Variants in MAP2K1 observed in about 807,000 individuals in gnomAD.
MAP2K1 encodes dual specificity mitogen-activated protein kinase kinase 1.
A neutral mutation model predicts 46.3 loss-of-function variants in MAP2K1; 16 were observed. The observed-to-expected ratio is 0.35, with a 90% CI of 0.23 to 0.52. MAP2K1 has a LOEUF of 0.52. Among genes scored for constraint, MAP2K1 ranks in the 20% least tolerant of loss-of-function variants. MAP2K1 has a pLI of 0.94. For missense variants in MAP2K1, 263 were observed against 497.1 expected, an observed-to-expected ratio of 0.53 and a Z score of 4.48; for synonymous variants, 183 against 185.6, an observed-to-expected ratio of 0.99 and a Z score of 0.11.
intron 6 of MAP2K1, among the ~76,000 whole-genome samples, chr15:66,483,194 C>G (rs768254292): frequency 2.0e-5 from 3 of 152,170 alleles, no homozygotes; most frequent in Non-Finnish European, 4.4e-5. Context: ...GCACCTGTGC[C>G]CAGATCCCAG....
chr15:66,403,605 G>A (rs1470188058), intron 1 of MAP2K1, among the ~76,000 whole-genome samples: 1 of 152,134 alleles, frequency 6.6e-6, no homozygotes, highest in Non-Finnish European at 1.5e-5. Flanking sequence ...TTACTTTTCA[G>A]ACAAAGTGGA....
chr15:66,399,445 C>T (rs528891125), intron 1 of MAP2K1, among the ~76,000 whole-genome samples: 22 of 149,942 alleles, frequency 1.5e-4, no homozygotes, highest in Non-Finnish European at 6.0e-5. Context: ...TCTCTCCCCT[C>T]CCACCCCCTC....
rs142312326 is a variant in MAP2K1, at chr15:66,456,568, C to T, written c.568+11861C>T. Among the ~76,000 whole-genome samples the T allele has an allele frequency of 1.9e-4, 29 of 152,300 alleles. No homozygotes were observed. In the East Asian group the frequency reaches 5.6e-3, roughly 29 times the overall value. ...CTGGAGGCAGGATGGACCTCACTAGCCCCAGACACATCTAGTCCTTAGTGC... is the reference window on the plus strand; with the variant it reads ...CTGGAGGCAGGATGGACCTCACTAGTCCCAGACACATCTAGTCCTTAGTGC... On this transcript the variant is annotated intron_variant, in intron 5 of 10. Coordinates refer to ENST00000307102, the MANE Select transcript of MAP2K1 (RefSeq NM_002755.4).
At chr15:66,409,269 G>A (rs1030691812) in intron 1 of MAP2K1, among the ~76,000 whole-genome samples, 1 of 152,068 alleles carries the variant, frequency 6.6e-6, no homozygotes, top group Non-Finnish European at 1.5e-5. Flanking sequence ...TGCCTTTTCA[G>A]CCAACAGTCC....
At position 66,387,440 on chromosome 15, in the gene MAP2K1, CGGGCGG is replaced by C; in HGVS notation, c.80+14_80+19del. The C allele has an allele frequency of 6.4e-7, 1 of 1,552,860 alleles. No homozygotes were observed. Among genetic ancestry groups the C allele is most frequent in the East Asian group, 2.4e-5 (1 of 41,208 alleles). Reference sequence around the variant, plus strand: ...CCAGCTCTGCGGAGTAAGTATGGGGCGGGCGGTGAACCTCGGGGCCCGGCTGGGGAG... The same window carrying C: ...CCAGCTCTGCGGAGTAAGTATGGGGCTGAACCTCGGGGCCCGGCTGGGGAG... On this transcript the variant is annotated intron_variant, in intron 1 of 10. Transcript: ENST00000307102.
At chr15:66,480,445 A>C (rs534649038) in intron 5 of MAP2K1, among the ~76,000 whole-genome samples, 1 of 152,266 alleles carries the variant, frequency 6.6e-6, no homozygotes, top group African/African-American at 2.4e-5. Context: ...GAATCTGTTT[A>C]AGAATAAATA....
chr15:66,416,349 A>G (rs564683990), intron 1 of MAP2K1, among the ~76,000 whole-genome samples: 1 of 146,126 alleles, frequency 6.8e-6, no homozygotes, highest in African/African-American at 2.5e-5. Flanking sequence ...CCCCCCTACA[A>G]TCCCCCCCAA....
At chr15:66,471,156 T>C (rs1892624052) in intron 5 of MAP2K1, among the ~76,000 whole-genome samples, 1 of 152,210 alleles carries the variant, frequency 6.6e-6, no homozygotes, top group South Asian at 2.1e-4. Context: ...CTTTTCCCTT[T>C]AGCTTAGTGA....
intron 1 of MAP2K1, among the ~76,000 whole-genome samples, chr15:66,425,182 G>A (rs2093454612): frequency 6.6e-6 from 1 of 152,188 alleles, no homozygotes; most frequent in African/African-American, 2.4e-5. Flanking sequence ...GTGTATGGCA[G>A]CCAGACTTTG....
chr15:66,390,442 G>A (rs913465674), intron 1 of MAP2K1, among the ~76,000 whole-genome samples: 2 of 152,146 alleles, frequency 1.3e-5, no homozygotes, highest in African/African-American at 4.8e-5. Context: ...CATTTTGACA[G>A]TAAAGAACTC....
At chr15:66,409,032 A>C (rs1176918484) in intron 1 of MAP2K1, among the ~76,000 whole-genome samples, 1 of 152,160 alleles carries the variant, frequency 6.6e-6, no homozygotes, top group African/African-American at 2.4e-5. Context: ...TTTTCAGTTT[A>C]TAATTTCTTG....
intron 1 of MAP2K1, among the ~76,000 whole-genome samples, chr15:66,433,377 G>A (rs1044246014): frequency 2.6e-5 from 4 of 152,220 alleles, no homozygotes; most frequent in African/African-American, 9.6e-5. Context: ...AAGTCTAAGA[G>A]CAGGGTGCCA....
At chr15:66,417,149 C>G (rs1319413518) in intron 1 of MAP2K1, among the ~76,000 whole-genome samples, 2 of 152,162 alleles carry the variant, frequency 1.3e-5, no homozygotes, top group Admixed American at 1.3e-4. Flanking sequence ...GAAGCAAGCA[C>G]TATCAGTTTT....
chr15:66,405,964 C>CT (rs1373545323), intron 1 of MAP2K1, among the ~76,000 whole-genome samples: 1 of 152,190 alleles, frequency 6.6e-6, no homozygotes, highest in Non-Finnish European at 1.5e-5. Context: ...GGGATGTATA[C>CT]TTTGAATGCA....
At chr15:66,471,658 A>T (rs1182514230) in intron 5 of MAP2K1, among the ~76,000 whole-genome samples, 2 of 151,426 alleles carry the variant, frequency 1.3e-5, no homozygotes, top group Non-Finnish European at 2.9e-5. Flanking sequence ...AATAAAGATG[A>T]TTTTTTTTTT....
intron 5 of MAP2K1, among the ~76,000 whole-genome samples, chr15:66,448,301 G>A (rs1039264682): frequency 6.6e-6 from 1 of 152,138 alleles, no homozygotes; most frequent in Non-Finnish European, 1.5e-5. Context: ...GGACTGGCTT[G>A]TTTTAGTTAG....
At chr15:66,427,732 C>G (rs2093462771) in intron 1 of MAP2K1, among the ~76,000 whole-genome samples, 1 of 151,826 alleles carries the variant, frequency 6.6e-6, no homozygotes, top group Non-Finnish European at 1.5e-5. Context: ...AGAAACCTCT[C>G]TGGCCAGGCA....
At chr15:66,427,809 T>A (rs2140566236) in intron 1 of MAP2K1, among the ~76,000 whole-genome samples, 1 of 151,008 alleles carries the variant, frequency 6.6e-6, no homozygotes, top group South Asian at 2.1e-4. Context: ...AAGTCAGGAG[T>A]TAGAGACCAG....
rs768080091 is a variant in MAP2K1 at position 66,443,366 on chromosome 15, GT to G, written c.516+11del. ...GAAAAGTTAGCATTGCTGTGAGTAT[GT>G]TATGAAGTTTTTCTTCTAAGTTCCT... is the stretch of plus-strand genomic sequence containing the variant. On this transcript the variant is annotated intron_variant, in intron 4 of 10. Coordinates refer to ENST00000307102, the MANE Select transcript of MAP2K1 (RefSeq NM_002755.4). The G allele has an allele frequency of 5.1e-6, 8 of 1,568,402 alleles. No individual in the cohort carries two copies. Among genetic ancestry groups the G allele is most frequent in the Non-Finnish European group, 7.0e-6 (8 of 1,138,466 alleles).
Sources: allele counts gnomAD v4.1 joint callset (sites outside exome capture counted in the v4.1 genomes callset), GRCh38; gene constraint gnomAD v4.1.1; transcripts MANE v1.5; gene names NCBI Gene and HGNC (gene_info 2026-07-23, HGNC 2026-07-21).